Variants in ZNF804B observed in about 807,000 individuals in gnomAD.
The protein encoded by ZNF804B is zinc finger protein 804B.
ZNF804B carries 80 observed loss-of-function variants against 101.4 expected under a neutral mutation model. That is an observed-to-expected ratio of 0.79 (90% confidence interval 0.66 to 0.95). The LOEUF is 0.95. Among genes scored for constraint, ZNF804B ranks in the 40% least tolerant of loss-of-function variants. ZNF804B has a pLI of 0.00. For missense variants in ZNF804B, 1,673 were observed against 1,561.9 expected (o/e 1.07, Z -1.20); for synonymous variants, 622 against 558.8 (o/e 1.11, Z -1.59).
chr7:88,787,333 G>A (rs952018404), intron 1 of ZNF804B, among the ~76,000 whole-genome samples: 1 of 152,076 alleles, frequency 6.6e-6, no homozygotes, highest in Non-Finnish European at 1.5e-5. Context: ...AATATTTATT[G>A]AGTGCTGACT....
At chr7:88,911,583 C>G (rs183597895) in intron 1 of ZNF804B, among the ~76,000 whole-genome samples, 3 of 151,336 alleles carry the variant, frequency 2.0e-5, no homozygotes. Flanking sequence ...AGCGATATCT[C>G]TTTCTGGATC....
intron 1 of ZNF804B, among the ~76,000 whole-genome samples, chr7:88,970,998 A>AT (rs1000611005): frequency 3.3e-5 from 5 of 151,224 alleles, no homozygotes; most frequent in African/African-American, 1.2e-4. Flanking sequence ...AGAACAAAAA[A>AT]AAATAAATAA....
rs974082008 is a variant in ZNF804B at position 88,994,974 on chromosome 7, T to C, written c.109-223181T>C. On this transcript the variant is annotated intron_variant, in intron 1 of 3. Transcript: ENST00000333190. ...CAACACACACATAAGAAACATCAGA[T>C]GGTCTGGGCTAGATTGTTTGATTTT... Among the ~76,000 whole-genome samples, 7 of 152,180 alleles carry C rather than the reference T, an allele frequency of 4.6e-5. No homozygotes were observed. The South Asian group carries it at 8.3e-4, about 18-fold the overall frequency.
At chr7:89,046,895 T>G (rs995665765) in intron 1 of ZNF804B, among the ~76,000 whole-genome samples, 2 of 152,080 alleles carry the variant, frequency 1.3e-5, no homozygotes, top group Admixed American at 1.3e-4. Flanking sequence ...TATGATCAAT[T>G]ATTATTTATT....
chr7:89,026,591 G>A (rs1297409327), intron 1 of ZNF804B, among the ~76,000 whole-genome samples: 6 of 152,122 alleles, frequency 3.9e-5, no homozygotes, highest in Admixed American at 2.6e-4. Flanking sequence ...CCTGGGTGTG[G>A]TGAGAAAAGG....
At chr7:88,822,227 G>A (rs951945742) in intron 1 of ZNF804B, among the ~76,000 whole-genome samples, 2 of 152,130 alleles carry the variant, frequency 1.3e-5, no homozygotes. Context: ...AGCCTTGGTT[G>A]TATGAAGAAT....
chr7:88,889,789 C>T (rs1235587322), intron 1 of ZNF804B, among the ~76,000 whole-genome samples: 1 of 152,160 alleles, frequency 6.6e-6, no homozygotes, highest in African/African-American at 2.4e-5. Flanking sequence ...AATTAAGTCT[C>T]ACTTGTCGAT....
intron 1 of ZNF804B, among the ~76,000 whole-genome samples, chr7:89,148,084 T>A (rs1274996950): frequency 1.3e-5 from 2 of 152,000 alleles, no homozygotes; most frequent in Non-Finnish European, 2.9e-5. Context: ...ACATAGGCTG[T>A]GCTTAGGAGT....
intron 1 of ZNF804B, among the ~76,000 whole-genome samples, chr7:89,072,668 C>T (rs1789559257): frequency 6.6e-6 from 1 of 152,010 alleles, no homozygotes; most frequent in Admixed American, 6.6e-5. Flanking sequence ...GGAAGAAATT[C>T]AGGAGAGTGA....
chr7:89,068,655 C>T (rs1194424234), intron 1 of ZNF804B, among the ~76,000 whole-genome samples: 13 of 152,090 alleles, frequency 8.5e-5, no homozygotes, highest in East Asian at 1.9e-4. Flanking sequence ...ATAGTACTGG[C>T]GCATAATAGG....
At chr7:88,787,627 T>C (rs925857697) in intron 1 of ZNF804B, among the ~76,000 whole-genome samples, 5 of 152,184 alleles carry the variant, frequency 3.3e-5, no homozygotes, top group Admixed American at 2.6e-4. Flanking sequence ...CTTTACACCA[T>C]TGTTTTATGG....
intron 1 of ZNF804B, among the ~76,000 whole-genome samples, chr7:88,920,736 T>TA (rs921191048): frequency 1.3e-4 from 19 of 151,972 alleles, no homozygotes; most frequent in African/African-American, 1.2e-4. Context: ...CATTATCTAG[T>TA]AAAAAAACTC....
intron 1 of ZNF804B, among the ~76,000 whole-genome samples, chr7:88,904,765 C>T (rs1053439551): frequency 5.9e-5 from 9 of 152,000 alleles, no homozygotes; most frequent in Non-Finnish European, 8.8e-5. Flanking sequence ...ATTATTGGTA[C>T]GTAGAAATGC....
intron 1 of ZNF804B, among the ~76,000 whole-genome samples, chr7:88,974,168 T>C (rs1188826465): frequency 1.3e-5 from 2 of 151,324 alleles, no homozygotes; most frequent in Admixed American, 1.3e-4. Context: ...AAGAAAAGTG[T>C]TCAAGACAGT....
intron 1 of ZNF804B, among the ~76,000 whole-genome samples, chr7:88,761,803 G>T (rs1446702202): frequency 3.9e-5 from 6 of 152,146 alleles, no homozygotes; most frequent in Non-Finnish European, 5.9e-5. Flanking sequence ...TATTCAAGTT[G>T]GTTAGACTAT....
chr7:88,784,863 T>TTCTTTTTCTGCTTC (rs1236492736), intron 1 of ZNF804B, among the ~76,000 whole-genome samples: 1 of 152,194 alleles, frequency 6.6e-6, no homozygotes, highest in Non-Finnish European at 1.5e-5. Flanking sequence ...TTCTCTGCTT[T>TTCTTTTTCTGCTTC]TCTTTTTCTG....
At chr7:89,022,596 C>A (rs1788684403) in intron 1 of ZNF804B, among the ~76,000 whole-genome samples, 1 of 152,164 alleles carries the variant, frequency 6.6e-6, no homozygotes, top group Non-Finnish European at 1.5e-5. Flanking sequence ...GCTTGTAGGA[C>A]AGTGTTTTCT....
intron 1 of ZNF804B, among the ~76,000 whole-genome samples, chr7:89,141,320 C>T (rs1414423237): frequency 2.0e-5 from 3 of 151,880 alleles, no homozygotes; most frequent in Non-Finnish European, 4.4e-5. Flanking sequence ...GGGCTAATAC[C>T]CTTGGTCAAC....
At chr7:88,901,359 G>T (rs1792387426) in intron 1 of ZNF804B, among the ~76,000 whole-genome samples, 1 of 151,868 alleles carries the variant, frequency 6.6e-6, no homozygotes, top group South Asian at 2.1e-4. Context: ...TAATTACTGA[G>T]AATTTTCAAG....
Sources: gnomAD v4.1 joint callset for allele counts (sites outside exome capture counted in the v4.1 genomes callset) on GRCh38, gnomAD v4.1.1 for gene constraint, MANE v1.5 for transcripts, NCBI Gene and HGNC (gene_info 2026-07-23, HGNC 2026-07-21) for gene names.